Variants in CWF19L2 observed in about 807,000 individuals in gnomAD.
CWF19L2 encodes CWF19 like cell cycle control factor 2, also known as CWF19-like protein 2.
A neutral mutation model predicts 111.7 loss-of-function variants in CWF19L2; 98 were observed. That is an observed-to-expected ratio of 0.88 (90% CI 0.75 to 1.04). The LOEUF (loss-of-function observed/expected upper bound fraction) is 1.04. Among genes scored for constraint, CWF19L2 ranks in the 50% least tolerant of loss-of-function variants. The probability of loss-of-function intolerance (pLI) is 0.00; values close to 1 mark genes in which losing one functional copy is unlikely to be tolerated. For synonymous variants in CWF19L2, 351 were observed against 342.9 expected, an observed-to-expected ratio of 1.02 and a Z score of -0.26; for missense variants, 1,101 against 1,051.4, an observed-to-expected ratio of 1.05 and a Z score of -0.65.
chr11:107,341,507 T>C (rs941096002), intron 14 of CWF19L2, among the ~76,000 whole-genome samples: 1 of 152,180 alleles, frequency 6.6e-6, no homozygotes, highest in Non-Finnish European at 1.5e-5. Flanking sequence ...TTGTTGATAA[T>C]TTTTACATCT....
rs201168162 is a variant in CWF19L2, at chr11:107,413,004, G to C, written c.1617+3205C>G. On this transcript the variant is annotated intron_variant, in intron 10 of 17. Coordinates refer to ENST00000282251, the MANE Select transcript of CWF19L2 (RefSeq NM_152434.3). ...AGGGATAAACAGGTGGAACACAGAG[G>C]ATTTAGTACAGTGAAAATACTCTGT... Among the ~76,000 whole-genome samples, 5 of 152,302 alleles carry C rather than the reference G, an allele frequency of 3.3e-5. No homozygotes were observed. In the East Asian group the frequency reaches 9.6e-4, roughly 29 times the overall value.
chr11:107,404,551 T>C lies in CWF19L2; in HGVS notation c.1618-11656A>G, dbSNP rs556198542. On this transcript the variant is annotated intron_variant, in intron 10 of 17. Coordinates refer to ENST00000282251, the MANE Select transcript of CWF19L2 (RefSeq NM_152434.3). ...TGCTGGGCATTTGTGTTGCAGGAGC[T>C]GGGGTGGGAGGTGGGGCATAAGATG... 1.0e-5 allele frequency: 7 copies of C among 671,682 alleles called. No homozygotes were observed. The East Asian group carries it at 2.0e-4, about 19-fold the overall frequency. The allele number at this position is 671,682 out of a possible 1,614,324, so 41.6% of individuals were successfully genotyped here. A position where few individuals can be genotyped will look rare whatever the true frequency, so the allele number is the denominator to read the frequency against.
chr11:107,339,942 A>G (rs1370912952), intron 14 of CWF19L2, among the ~76,000 whole-genome samples: 2 of 152,132 alleles, frequency 1.3e-5, no homozygotes, highest in African/African-American at 4.8e-5. Flanking sequence ...TCCTGAGATT[A>G]CAGGCGTGAG....
intron 12 of CWF19L2, among the ~76,000 whole-genome samples, chr11:107,387,462 C>CAA (rs201064466): frequency 0.013 from 1,290 of 97,832 alleles, 5 homozygotes; most frequent in African/African-American, 0.022. Context: ...CAAAACAAAA[C>CAA]AAAACAAAAA....
At chr11:107,329,667 C>T (rs1859813726) in intron 17 of CWF19L2, among the ~76,000 whole-genome samples, 1 of 152,130 alleles carries the variant, frequency 6.6e-6, no homozygotes, top group Admixed American at 6.6e-5. Context: ...CTGGCTTCCT[C>T]CAAAAACAAC....
chr11:107,343,632 T>C (rs1860037023), intron 14 of CWF19L2, among the ~76,000 whole-genome samples: 1 of 152,156 alleles, frequency 6.6e-6, no homozygotes, highest in African/African-American at 2.4e-5. Context: ...GTTCTTTCTA[T>C]TGTTTTTCTG....
chr11:107,356,478 A>C (rs2134549966), intron 12 of CWF19L2, among the ~76,000 whole-genome samples: 2 of 152,308 alleles, frequency 1.3e-5, no homozygotes, highest in South Asian at 4.1e-4. Flanking sequence ...TTTTTCTTCC[A>C]CAATATTCTA....
At chr11:107,456,114 C>G (rs1157899636) in intron 1 of CWF19L2, among the ~76,000 whole-genome samples, 2 of 152,160 alleles carry the variant, frequency 1.3e-5, no homozygotes, top group Non-Finnish European at 2.9e-5. Context: ...ATTCCCATGG[C>G]TACTGCCTTA....
At chr11:107,344,930 G>C (rs2134536783) in intron 14 of CWF19L2, among the ~76,000 whole-genome samples, 1 of 152,186 alleles carries the variant, frequency 6.6e-6, no homozygotes, top group East Asian at 1.9e-4. Context: ...GGCCTCTGTT[G>C]ACACTCAAAA....
chr11:107,431,467 A>C (rs1215556992), intron 7 of CWF19L2, among the ~76,000 whole-genome samples: 1 of 152,088 alleles, frequency 6.6e-6, no homozygotes, highest in African/African-American at 2.4e-5. Flanking sequence ...TATATTATAA[A>C]GATACTAGTT....
chr11:107,328,372 A>G (rs1255144179), intron 17 of CWF19L2, among the ~76,000 whole-genome samples: 3 of 152,164 alleles, frequency 2.0e-5, no homozygotes, highest in Admixed American at 2.0e-4. Context: ...TCTATAAAAT[A>G]CCAAGTTTTG....
chr11:107,379,527 T>C (rs1271734832), intron 12 of CWF19L2, among the ~76,000 whole-genome samples: 1 of 152,246 alleles, frequency 6.6e-6, no homozygotes, highest in South Asian at 2.1e-4. Flanking sequence ...TATCCACTAA[T>C]AACAACCATC....
rs138792527 is a variant in CWF19L2, at chr11:107,425,179, A to AACACACACAC, written c.1433+3610_1433+3619dup. The stretch of plus-strand genomic sequence containing the variant: ...TCACATTAAAATGTACTCTCTTTGA[A>AACACACACAC]ACACACACACACACACACACACACA... On this transcript the variant is annotated intron_variant, in intron 8 of 17. Coordinates refer to ENST00000282251, the MANE Select transcript of CWF19L2 (RefSeq NM_152434.3). Among the ~76,000 whole-genome samples the AACACACACAC allele has an allele frequency of 7.6e-3, 1,096 of 144,900 alleles. 5 individuals carry two copies. The highest frequency in any genetic ancestry group is 0.017 in the Middle Eastern group (5 of 290).
intron 15 of CWF19L2, 42 bp downstream of exon 15, chr11:107,336,516 T>C (rs376777495): frequency 2.0e-6 from 3 of 1,471,844 alleles, no homozygotes; most frequent in Non-Finnish European, 2.8e-6. Context: ...AATAGCACTA[T>C]AGCAAAAAAT....
At chr11:107,398,800 T>C (rs1426789482) in intron 10 of CWF19L2, among the ~76,000 whole-genome samples, 2 of 152,188 alleles carry the variant, frequency 1.3e-5, no homozygotes, top group Non-Finnish European at 2.9e-5. Context: ...CCAGGTAACC[T>C]ATAAAGGAAA....
At chr11:107,379,216 A>G (rs529456017) in intron 12 of CWF19L2, among the ~76,000 whole-genome samples, 70 of 152,176 alleles carry the variant, frequency 4.6e-4, no homozygotes, top group Non-Finnish European at 9.8e-4. Flanking sequence ...AGTTATTACT[A>G]TTTTCTCCCA....
At chr11:107,361,136 G>C (rs1860326573) in intron 12 of CWF19L2, among the ~76,000 whole-genome samples, 2 of 152,144 alleles carry the variant, frequency 1.3e-5, no homozygotes, top group African/African-American at 2.4e-5. Flanking sequence ...TGTATGTTCA[G>C]AGATATGGGT....
intron 16 of CWF19L2, among the ~76,000 whole-genome samples, chr11:107,330,644 C>CCA (rs56313409): frequency 0.019 from 2,348 of 121,612 alleles, 45 homozygotes; most frequent in East Asian, 0.062. Context: ...ACCCCCCCCA[C>CCA]CACACACACA....
chr11:107,340,321 C>T (rs1273319457), intron 14 of CWF19L2, among the ~76,000 whole-genome samples: 2 of 151,986 alleles, frequency 1.3e-5, no homozygotes, highest in Admixed American at 6.6e-5. Context: ...GGCTGTGTGC[C>T]GTTTTGAGTT....
Sources: gnomAD v4.1 joint callset for allele counts (sites outside exome capture counted in the v4.1 genomes callset) on GRCh38, gnomAD v4.1.1 for gene constraint, MANE v1.5 for transcripts, NCBI Gene and HGNC (gene_info 2026-07-23, HGNC 2026-07-21) for gene names.